LMNTD1: variants seen among roughly 807,000 people sequenced by gnomAD.
The protein encoded by LMNTD1 is lamin tail domain-containing protein 1.
LMNTD1 carries 35 observed loss-of-function variants against 50.9 expected under a neutral mutation model. The ratio of observed to expected loss-of-function variants is 0.69; its 90% CI spans 0.53 to 0.91. The LOEUF (loss-of-function observed/expected upper bound fraction) is 0.91, where lower values mean the gene tolerates loss of function less well. LMNTD1 is among the 40% of genes least tolerant of loss of function. LMNTD1 has a pLI of 0.00. For missense variants in LMNTD1, 470 were observed against 475.5 expected, an observed-to-expected ratio of 0.99 and a Z score of 0.11; for synonymous variants, 153 against 161.9, an observed-to-expected ratio of 0.94 and a Z score of 0.42.
At chr12:25,597,480 C>A (rs1399830956) in intron 1 of LMNTD1, among the ~76,000 whole-genome samples, 2 of 151,978 alleles carry the variant, frequency 1.3e-5, no homozygotes, top group East Asian at 3.8e-4. Context: ...TATATTCACT[C>A]AAAACTGAAG....
intron 1 of LMNTD1, among the ~76,000 whole-genome samples, chr12:25,567,204 T>C (rs188433202): frequency 6.6e-6 from 1 of 152,320 alleles, no homozygotes; most frequent in East Asian, 1.9e-4. Context: ...AACCCTATGG[T>C]CAGATATGGA....
chr12:25,569,732 C>A (rs1592039542), intron 1 of LMNTD1, among the ~76,000 whole-genome samples: 1 of 152,098 alleles, frequency 6.6e-6, no homozygotes, highest in Non-Finnish European at 1.5e-5. Context: ...GCACCCCCTG[C>A]CCACCTTGCT....
intron 1 of LMNTD1, among the ~76,000 whole-genome samples, chr12:25,607,175 G>C (rs191245190): frequency 6.6e-6 from 1 of 152,106 alleles, no homozygotes. Flanking sequence ...GATTGGTGGC[G>C]ATATCCTCTT....
chr12:25,527,695 C>T (rs867333876), intron 4 of LMNTD1, among the ~76,000 whole-genome samples: 2,702 of 85,356 alleles, frequency 0.032, 195 homozygotes, highest in African/African-American at 0.064. Flanking sequence ...CACACACACA[C>T]ACACACACAC....
chr12:25,550,555 A>C (rs1943687531), intron 2 of LMNTD1, among the ~76,000 whole-genome samples: 1 of 152,134 alleles, frequency 6.6e-6, no homozygotes, highest in Non-Finnish European at 1.5e-5. Flanking sequence ...GGAACTAATT[A>C]TTTTGCCTCC....
intron 4 of LMNTD1, among the ~76,000 whole-genome samples, chr12:25,532,212 C>CAG (rs1340852422): frequency 6.6e-6 from 1 of 152,010 alleles, no homozygotes; most frequent in Non-Finnish European, 1.5e-5. Context: ...GAAAAAACTG[C>CAG]AGAGATAATT....
At chr12:25,585,643 A>G (rs1428718849) in intron 1 of LMNTD1, among the ~76,000 whole-genome samples, 1 of 152,220 alleles carries the variant, frequency 6.6e-6, no homozygotes, top group Non-Finnish European at 1.5e-5. Flanking sequence ...AATGTGCCAA[A>G]GTTTAATACC....
At chr12:25,622,373 T>C (rs937644385) in intron 1 of LMNTD1, among the ~76,000 whole-genome samples, 1 of 151,384 alleles carries the variant, frequency 6.6e-6, no homozygotes, top group East Asian at 1.9e-4. Flanking sequence ...GTACAGCCTG[T>C]GAACTGCAGA....
intron 1 of LMNTD1, among the ~76,000 whole-genome samples, chr12:25,626,635 T>C (rs1268890235): frequency 6.6e-6 from 1 of 152,186 alleles, no homozygotes; most frequent in East Asian, 1.9e-4. Context: ...GAGAAGGGAA[T>C]GCACATAGTA....
intron 1 of LMNTD1, among the ~76,000 whole-genome samples, chr12:25,595,175 A>C (rs898057222): frequency 6.6e-6 from 1 of 152,076 alleles, no homozygotes; most frequent in African/African-American, 2.4e-5. Context: ...AGACATCAAA[A>C]CAGAAAGTCA....
chr12:25,506,236 C>A (rs536970116), intron 8 of LMNTD1, among the ~76,000 whole-genome samples: 2 of 152,284 alleles, frequency 1.3e-5, no homozygotes, highest in Admixed American at 6.5e-5. Flanking sequence ...TATTTTCTAG[C>A]AGTTAGTTTT....
At chr12:25,509,194 G>A (rs1349153210) in intron 8 of LMNTD1, among the ~76,000 whole-genome samples, 2 of 151,962 alleles carry the variant, frequency 1.3e-5, no homozygotes, top group African/African-American at 4.8e-5. Flanking sequence ...TGCAACCTCC[G>A]CCTCCCAGGT....
rs1705429 is a variant in LMNTD1, at chr12:25,596,845, A to T, written c.59-50291T>A. Among the ~76,000 whole-genome samples the T allele has an allele frequency of 2.8e-3, 419 of 152,218 alleles. 2 individuals are homozygous for T. Among genetic ancestry groups the T allele is most frequent in the African/African-American group, 8.7e-3 (363 of 41,556 alleles). On this transcript the variant is annotated intron_variant, in intron 1 of 7. Transcript: ENST00000445693. The stretch of plus-strand genomic sequence containing the variant: ...AAGGACGAACCAATTCAAAATAATA[A>T]CTACAACTTTTCAAGACATAGTACA...
rs371003491 is a variant in LMNTD1 at position 25,487,731 on chromosome 12, G to A, written c.*23-11271C>T. Among the ~76,000 whole-genome samples, 132 of 122,450 alleles carry A rather than the reference G, an allele frequency of 1.1e-3. 4 individuals carry two copies. The highest frequency in any genetic ancestry group is 1.3e-3 in the Non-Finnish European group (79 of 60,142). 80.3% of individuals were successfully genotyped at this position (122,450 alleles called of 152,430 possible). On this transcript the variant is annotated intron_variant, in intron 9 of 9. Coordinates refer to ENST00000458174, the MANE Select transcript of LMNTD1 (RefSeq NM_001145728.2). Reference sequence around the variant, plus strand: ...GTTGACGCAGTTTCTTCCTAGTCTCGATGGTCTTTACATTTTGGCATGATT... The same window carrying A: ...GTTGACGCAGTTTCTTCCTAGTCTCAATGGTCTTTACATTTTGGCATGATT...
chr12:25,624,392 C>T (rs564457448), intron 1 of LMNTD1, among the ~76,000 whole-genome samples: 1 of 152,208 alleles, frequency 6.6e-6, no homozygotes, highest in African/African-American at 2.4e-5. Context: ...AAAAGGTACC[C>T]ATTCCATAAC....
intron 1 of LMNTD1, among the ~76,000 whole-genome samples, chr12:25,599,490 T>C (rs2086283): frequency 0.29 from 43,808 of 151,778 alleles, 8,057 homozygotes; most frequent in East Asian, 0.86. Flanking sequence ...GTATCCAAAT[T>C]TGAAAGGAAG....
chr12:25,606,980 T>C (rs1303253344), intron 1 of LMNTD1, among the ~76,000 whole-genome samples: 2 of 152,238 alleles, frequency 1.3e-5, no homozygotes, highest in African/African-American at 2.4e-5. Flanking sequence ...TTTTGGTTGG[T>C]AGGCTATTAA....
At chr12:25,500,193 G>A (rs1205616322) in intron 9 of LMNTD1, among the ~76,000 whole-genome samples, 1 of 152,164 alleles carries the variant, frequency 6.6e-6, no homozygotes, top group African/African-American at 2.4e-5. Flanking sequence ...AGTAGAGATA[G>A]AAAACACTGA....
At chr12:25,574,719 C>T (rs1944933529) in intron 1 of LMNTD1, among the ~76,000 whole-genome samples, 1 of 152,118 alleles carries the variant, frequency 6.6e-6, no homozygotes, top group Non-Finnish European at 1.5e-5. Context: ...CTTATCTAAT[C>T]ATAACGGGTC....
Sources: allele counts gnomAD v4.1 joint callset (sites outside exome capture counted in the v4.1 genomes callset), GRCh38; gene constraint gnomAD v4.1.1; transcripts MANE v1.5; gene names NCBI Gene and HGNC (gene_info 2026-07-23, HGNC 2026-07-21).